The following CADPS variants were observed in gnomAD, a reference collection of about 807,000 sequenced individuals.
CADPS encodes the protein calcium dependent secretion activator, also known as calcium-dependent secretion activator 1.
In CADPS, 57 loss-of-function variants were observed where a neutral mutation model predicts 167.3. The ratio of observed to expected loss-of-function variants is 0.34; its 90% CI spans 0.28 to 0.42. The LOEUF (loss-of-function observed/expected upper bound fraction) is 0.42. Among genes scored for constraint, CADPS ranks in the 20% least tolerant of loss-of-function variants. CADPS has a pLI of 1.00. For synonymous variants in CADPS, 676 were observed against 635.3 expected, an observed-to-expected ratio of 1.06 and a Z score of -0.96; for missense variants, 1,414 against 1,738.1, an observed-to-expected ratio of 0.81 and a Z score of 3.32.
intron 6 of CADPS, among the ~76,000 whole-genome samples, chr3:62,633,267 C>T (rs2065647115): frequency 6.6e-6 from 1 of 152,170 alleles, no homozygotes; most frequent in South Asian, 2.1e-4. Context: ...CGACCACCAC[C>T]CTGTCTTACA....
intron 28 of CADPS, among the ~76,000 whole-genome samples, chr3:62,437,540 G>T (rs1194675914): frequency 3.3e-5 from 5 of 152,004 alleles, no homozygotes; most frequent in Non-Finnish European, 5.9e-5. Context: ...GGGTGGGCAG[G>T]GGGCGCCATG....
chr3:62,507,198 C>A (rs1379894395), intron 17 of CADPS, among the ~76,000 whole-genome samples: 1 of 152,136 alleles, frequency 6.6e-6, no homozygotes, highest in Non-Finnish European at 1.5e-5. Flanking sequence ...GAGGCAAACA[C>A]TGAAACAAGG....
chr3:62,812,882 G>A (rs1032325763), intron 1 of CADPS, among the ~76,000 whole-genome samples: 1 of 152,100 alleles, frequency 6.6e-6, no homozygotes, highest in Admixed American at 6.6e-5. Context: ...CTGACTTTCT[G>A]GTGGAAATTA....
intron 4 of CADPS, among the ~76,000 whole-genome samples, chr3:62,659,904 A>G (rs1264533311): frequency 6.6e-6 from 1 of 152,154 alleles, no homozygotes; most frequent in African/African-American, 2.4e-5. Flanking sequence ...AACCCTCAAT[A>G]CCCTAGACAG....
At chr3:62,682,033 A>G (rs1271531122) in intron 3 of CADPS, among the ~76,000 whole-genome samples, 1 of 152,094 alleles carries the variant, frequency 6.6e-6, no homozygotes, top group Non-Finnish European at 1.5e-5. Flanking sequence ...TGTCTTATTA[A>G]CTAAGAAATT....
chr3:62,408,347 T>C (rs183177451), intron 28 of CADPS, among the ~76,000 whole-genome samples: 276 of 152,322 alleles, frequency 1.8e-3, no homozygotes, highest in African/African-American at 6.3e-3. Flanking sequence ...ATAAAAATGT[T>C]GTATTAAAAT....
intron 3 of CADPS, among the ~76,000 whole-genome samples, chr3:62,672,408 G>A (rs1411844122): frequency 6.6e-6 from 1 of 152,130 alleles, no homozygotes; most frequent in Non-Finnish European, 1.5e-5. Context: ...CTTAAGACCT[G>A]TCAATAACGT....
At chr3:62,846,680 T>C (rs1183154074) in intron 1 of CADPS, among the ~76,000 whole-genome samples, 2 of 152,184 alleles carry the variant, frequency 1.3e-5, no homozygotes, top group Non-Finnish European at 2.9e-5. Flanking sequence ...TTGCTTTTTG[T>C]TTTTTGAGAC....
At chr3:62,772,401 CT>C (rs2089117458) in intron 1 of CADPS, among the ~76,000 whole-genome samples, 1 of 152,154 alleles carries the variant, frequency 6.6e-6, no homozygotes, top group Non-Finnish European at 1.5e-5. Context: ...ATTCGAAATC[CT>C]CATGAAAATG....
At chr3:62,608,756 C>T (rs1232219069) in intron 6 of CADPS, among the ~76,000 whole-genome samples, 1 of 152,126 alleles carries the variant, frequency 6.6e-6, no homozygotes, top group Non-Finnish European at 1.5e-5. Flanking sequence ...GGCCAAATGT[C>T]TTAATCCCAG....
At chr3:62,516,732 T>C in intron 14 of CADPS, 89 bp from the exon 15 acceptor site, 1 of 897,322 alleles carries the variant, frequency 1.1e-6, no homozygotes, top group Non-Finnish European at 1.8e-6. Context: ...CAACTCTCTC[T>C]GAGGAATGGA....
At chr3:62,611,130 A>G (rs1230321589) in intron 6 of CADPS, among the ~76,000 whole-genome samples, 1 of 152,090 alleles carries the variant, frequency 6.6e-6, no homozygotes, top group Non-Finnish European at 1.5e-5. Context: ...ACTGTCTCAT[A>G]GGCACCCCAC....
Position 62,478,523 on chromosome 3 carries a change from T to C in CADPS, c.3174-107A>G. The C allele has an allele frequency of 3.8e-6, 4 of 1,039,276 alleles. No individual in the cohort carries two copies. The highest frequency in any genetic ancestry group is 5.6e-6 in the Non-Finnish European group (4 of 711,760). The allele number at this position is 1,039,276 out of a possible 1,614,324, so 64.4% of individuals were successfully genotyped here. A position where few individuals can be genotyped will look rare whatever the true frequency, so the allele number is the denominator to read the frequency against. On this transcript the variant is annotated intron_variant, in intron 22 of 29. Coordinates refer to ENST00000383710, the MANE Select transcript of CADPS (RefSeq NM_003716.4). The surrounding 1 kb of genome is among the most constrained non-coding windows in gnomAD (Gnocchi z 5.7). ...TAGAAGGCAAACAGCAGCTTCAACA[T>C]ACAAAACAACGTGTGTTGGCGGTGG...
At chr3:62,617,026 C>T (rs1273013562) in intron 6 of CADPS, among the ~76,000 whole-genome samples, 3 of 152,100 alleles carry the variant, frequency 2.0e-5, no homozygotes, top group African/African-American at 7.2e-5. Context: ...ATCAGTCTCT[C>T]AATAAACATT....
At chr3:62,450,497 G>A (rs2057878286) in intron 26 of CADPS, among the ~76,000 whole-genome samples, 1 of 152,212 alleles carries the variant, frequency 6.6e-6, no homozygotes, top group African/African-American at 2.4e-5. Context: ...AGGGAGGCAA[G>A]AACTGTGACT....
At chr3:62,572,761 A>G (rs960988368) in intron 8 of CADPS, among the ~76,000 whole-genome samples, 1 of 152,246 alleles carries the variant, frequency 6.6e-6, no homozygotes, top group Non-Finnish European at 1.5e-5. Flanking sequence ...GTCCCTCAGT[A>G]TCTACAGGGA....
intron 9 of CADPS, among the ~76,000 whole-genome samples, chr3:62,570,250 A>AG (rs1463751593): frequency 1.5e-4 from 23 of 151,898 alleles, no homozygotes; most frequent in Non-Finnish European, 2.9e-4. Context: ...AAAAAAAAAA[A>AG]AAGAAGTTTA....
intron 1 of CADPS, among the ~76,000 whole-genome samples, chr3:62,794,793 A>AAAAAAAAAAAAAAAAAAAAAAAAAAAAG (rs1553689817): frequency 7.3e-6 from 1 of 136,692 alleles, no homozygotes; most frequent in Non-Finnish European, 1.5e-5. Context: ...AAAAAAAAAA[A>AAAAAAAAAAAAAAAAAAAAAAAAAAAAG]AAAAAAAAAA....
intron 7 of CADPS, among the ~76,000 whole-genome samples, chr3:62,585,681 T>C (rs1199730265): frequency 2.0e-5 from 3 of 152,244 alleles, no homozygotes; most frequent in African/African-American, 7.2e-5. Context: ...TGCTTATATA[T>C]TAGACAGTCC....
Sources: allele counts gnomAD v4.1 joint callset (sites outside exome capture counted in the v4.1 genomes callset), GRCh38; gene constraint gnomAD v4.1.1; non-coding constraint Gnocchi (gnomAD v3.1); transcripts MANE v1.5; gene names NCBI Gene and HGNC (gene_info 2026-07-23, HGNC 2026-07-21).